Variants in GAS2 observed in about 807,000 individuals in gnomAD.
The protein encoded by GAS2 is growth arrest specific 2, also known as growth arrest-specific protein 2.
Under a neutral mutation model 37.5 loss-of-function variants are expected in GAS2, and 20 were observed. The observed-to-expected ratio is 0.53, with a 90% CI of 0.37 to 0.77. The LOEUF is 0.77. GAS2 is among the 30% of genes least tolerant of loss of function. The pLI is 0.00. For missense variants in GAS2, 336 were observed against 373.4 expected (o/e 0.90, Z 0.82); for synonymous variants, 144 against 132.2 (o/e 1.09, Z -0.61).
intron 3 of GAS2, among the ~76,000 whole-genome samples, chr11:22,689,952 C>T (rs952141165): frequency 1.2e-4 from 18 of 152,146 alleles, no homozygotes; most frequent in African/African-American, 3.9e-4. Flanking sequence ...TGAAACTGTG[C>T]ATAGGGAGAT....
intron 3 of GAS2, among the ~76,000 whole-genome samples, chr11:22,725,011 A>C (rs1852129534): frequency 6.6e-6 from 1 of 152,060 alleles, no homozygotes; most frequent in African/African-American, 2.4e-5. Context: ...GAAAGATTTT[A>C]TAAATTTAAA....
chr11:22,792,526 G>A (rs1174510625), intron 7 of GAS2, among the ~76,000 whole-genome samples: 1 of 152,196 alleles, frequency 6.6e-6, no homozygotes, highest in East Asian at 1.9e-4. Flanking sequence ...AGAATTTCTA[G>A]AGGCAAAAGT....
intron 5 of GAS2, among the ~76,000 whole-genome samples, chr11:22,743,058 A>G (rs1343215060): frequency 6.6e-6 from 1 of 152,126 alleles, no homozygotes; most frequent in Non-Finnish European, 1.5e-5. Flanking sequence ...CTAAGATGGC[A>G]GAAAAGTTTA....
chr11:22,788,445 G>A (rs1855923569), intron 7 of GAS2, among the ~76,000 whole-genome samples: 2 of 152,134 alleles, frequency 1.3e-5, no homozygotes, highest in African/African-American at 4.8e-5. Context: ...TCACTGGGTT[G>A]CTGGCCTTTA....
chr11:22,799,790 G>C (rs1169249583), intron 7 of GAS2, among the ~76,000 whole-genome samples: 1 of 152,054 alleles, frequency 6.6e-6, no homozygotes, highest in Non-Finnish European at 1.5e-5. Context: ...TGTTCATCCA[G>C]TCGTTTAACA....
chr11:22,774,710 T>C (rs1201384330), intron 7 of GAS2, among the ~76,000 whole-genome samples: 1 of 152,198 alleles, frequency 6.6e-6, no homozygotes, highest in East Asian at 1.9e-4. Context: ...GAATCTTTCA[T>C]GCAGTACATT....
intron 3 of GAS2, among the ~76,000 whole-genome samples, chr11:22,719,079 G>A (rs1435911919): frequency 6.6e-6 from 1 of 151,894 alleles, no homozygotes; most frequent in Non-Finnish European, 1.5e-5. Context: ...ATATATTTAT[G>A]GTGTATTTGT....
intron 3 of GAS2, among the ~76,000 whole-genome samples, chr11:22,719,071 A>C (rs1379922485): frequency 1.3e-5 from 2 of 152,134 alleles, no homozygotes; most frequent in Non-Finnish European, 2.9e-5. Context: ...AAAATTACAT[A>C]TATTTATGGT....
chr11:22,648,552 A>C (rs1199050467), intron 1 of GAS2, among the ~76,000 whole-genome samples: 4 of 152,204 alleles, frequency 2.6e-5, no homozygotes, highest in Non-Finnish European at 4.4e-5. Flanking sequence ...CTTCCTACCC[A>C]TGAGCATGGA....
chr11:22,727,321 C>T (rs1274959919), intron 4 of GAS2, among the ~76,000 whole-genome samples: 1 of 152,008 alleles, frequency 6.6e-6, no homozygotes, highest in Non-Finnish European at 1.5e-5. Flanking sequence ...TTTAATAGGT[C>T]ATATAATAAC....
At chr11:22,782,733 A>T (rs1201513013) in intron 7 of GAS2, among the ~76,000 whole-genome samples, 1 of 148,856 alleles carries the variant, frequency 6.7e-6, no homozygotes, top group Non-Finnish European at 1.5e-5. Context: ...GCTGCAAAAA[A>T]AAAAAAAATA....
intron 7 of GAS2, among the ~76,000 whole-genome samples, chr11:22,768,397 T>C (rs868449179): frequency 9.2e-5 from 14 of 152,220 alleles, no homozygotes; most frequent in African/African-American, 3.1e-4. Context: ...CTCCCAATTG[T>C]AGCTTTCTTT....
chr11:22,802,553 G>T (rs557073141), intron 7 of GAS2, among the ~76,000 whole-genome samples: 13 of 151,524 alleles, frequency 8.6e-5, no homozygotes, highest in African/African-American at 2.7e-4. Context: ...GTAATGGATC[G>T]CCTTGACTTT....
chr11:22,735,223 T>TC (rs1365277314), intron 4 of GAS2, among the ~76,000 whole-genome samples: 23 of 114,336 alleles, frequency 2.0e-4, no homozygotes, highest in African/African-American at 6.2e-4. Context: ...CACCAATCAT[T>TC]CTTTTTTTTT....
intron 3 of GAS2, among the ~76,000 whole-genome samples, chr11:22,689,058 A>G (rs1181573259): frequency 1.3e-5 from 2 of 152,172 alleles, no homozygotes; most frequent in Admixed American, 1.3e-4. Context: ...GGTCTCACAT[A>G]TAAGTGGGAG....
intron 1 of GAS2, among the ~76,000 whole-genome samples, chr11:22,629,184 CT>C (rs1338806363): frequency 6.6e-6 from 1 of 152,128 alleles, no homozygotes; most frequent in Non-Finnish European, 1.5e-5. Flanking sequence ...GGGGTAGATA[CT>C]CAGTAGTGGG....
At chr11:22,709,600 T>G (rs1811460105) in intron 3 of GAS2, among the ~76,000 whole-genome samples, 2 of 152,186 alleles carry the variant, frequency 1.3e-5, no homozygotes, top group Non-Finnish European at 2.9e-5. Context: ...GAAGTCAGTG[T>G]GGCGATTCCT....
chr11:22,805,711 G>A (rs1168996047), intron 7 of GAS2, among the ~76,000 whole-genome samples: 1 of 152,134 alleles, frequency 6.6e-6, no homozygotes, highest in Non-Finnish European at 1.5e-5. Context: ...TGTTAAGAAA[G>A]TAAAGAAATA....
At chr11:22,637,813 T>C (rs571648759) in intron 1 of GAS2, among the ~76,000 whole-genome samples, 1 of 147,760 alleles carries the variant, frequency 6.8e-6, no homozygotes, top group East Asian at 2.0e-4. Flanking sequence ...GTATAAATTG[T>C]ATATATTTTA....
Sources: allele counts gnomAD v4.1 joint callset (sites outside exome capture counted in the v4.1 genomes callset), GRCh38; gene constraint gnomAD v4.1.1; transcripts MANE v1.5; gene names NCBI Gene and HGNC (gene_info 2026-07-23, HGNC 2026-07-21).